Variants in MYO3B observed in about 807,000 individuals in gnomAD.
The protein encoded by MYO3B is myosin IIIB.
Under a neutral mutation model 174.6 loss-of-function variants are expected in MYO3B, and 156 were observed. The ratio of observed to expected loss-of-function variants is 0.89; its 90% confidence interval spans 0.78 to 1.02. The LOEUF is 1.02. Among genes scored for constraint, MYO3B ranks in the 50% least tolerant of loss-of-function variants. MYO3B has a pLI of 0.00. For synonymous variants in MYO3B, 563 were observed against 569.1 expected (o/e 0.99, Z 0.15); for missense variants, 1,632 against 1,639.4 (o/e 1.00, Z 0.08).
intron 3 of MYO3B, among the ~76,000 whole-genome samples, chr2:170,213,001 G>A (rs2092788737): frequency 6.6e-6 from 1 of 152,156 alleles, no homozygotes. Context: ...CCAGTAAACT[G>A]CAAGATGCAT....
At chr2:170,302,508 A>G (rs548438654) in intron 7 of MYO3B, among the ~76,000 whole-genome samples, 2 of 152,314 alleles carry the variant, frequency 1.3e-5, no homozygotes, top group South Asian at 2.1e-4. Context: ...TGAAGGAACT[A>G]ACTTGCTAAC....
chr2:170,238,002 G>T (rs1182332398), intron 7 of MYO3B, among the ~76,000 whole-genome samples: 1 of 152,116 alleles, frequency 6.6e-6, no homozygotes, highest in Non-Finnish European at 1.5e-5. Flanking sequence ...ATGATAAGAG[G>T]TTTTATTTTA....
chr2:170,194,766 A>T (rs1461566555), intron 1 of MYO3B, among the ~76,000 whole-genome samples: 1 of 152,144 alleles, frequency 6.6e-6, no homozygotes, highest in Non-Finnish European at 1.5e-5. Context: ...CAAGTTGAGG[A>T]GCAAGGAAGT....
intron 29 of MYO3B, among the ~76,000 whole-genome samples, chr2:170,518,249 C>A (rs1688447219): frequency 1.3e-5 from 2 of 152,148 alleles, no homozygotes; most frequent in Admixed American, 6.5e-5. Context: ...ATTTATTTTT[C>A]TACACTCCAT....
At chr2:170,285,116 C>T (rs2093544892) in intron 7 of MYO3B, among the ~76,000 whole-genome samples, 1 of 152,136 alleles carries the variant, frequency 6.6e-6, no homozygotes, top group Non-Finnish European at 1.5e-5. Context: ...TAGCTATGTT[C>T]TTACTGATGG....
intron 9 of MYO3B, 28 bp from the exon 10 acceptor site, chr2:170,381,988 T>C: frequency 6.3e-7 from 1 of 1,586,652 alleles, no homozygotes; most frequent in South Asian, 1.1e-5. Context: ...GCTGTCTTAA[T>C]GCTTAAACTC....
At chr2:170,597,177 C>T (rs933578952) in intron 32 of MYO3B, among the ~76,000 whole-genome samples, 2 of 152,020 alleles carry the variant, frequency 1.3e-5, no homozygotes, top group African/African-American at 4.8e-5. Flanking sequence ...TCGAGAGCAG[C>T]CTGGCCAACG....
chr2:170,619,818 C>A (rs1046814040), intron 32 of MYO3B, among the ~76,000 whole-genome samples: 5 of 126,682 alleles, frequency 3.9e-5, no homozygotes, highest in African/African-American at 1.5e-4. Context: ...GTGATCTCAG[C>A]TCACTGCAAC....
At chr2:170,412,157 T>C (rs1489718631) in intron 22 of MYO3B, 1 of 152,226 alleles carries the variant, frequency 6.6e-6, no homozygotes, top group Non-Finnish European at 1.5e-5. Flanking sequence ...TATAACATGG[T>C]TTCAAGGCAT....
chr2:170,451,636 T>C (rs1050348592), intron 23 of MYO3B, among the ~76,000 whole-genome samples: 1 of 152,216 alleles, frequency 6.6e-6, no homozygotes, highest in East Asian at 1.9e-4. Flanking sequence ...TTTAAGCCCT[T>C]ATTTTTACCC....
intron 25 of MYO3B, among the ~76,000 whole-genome samples, chr2:170,481,978 T>C (rs1276706331): frequency 6.6e-6 from 1 of 152,158 alleles, no homozygotes; most frequent in Admixed American, 6.5e-5. Context: ...CTTGGTGATA[T>C]GGTTTGGCTG....
chr2:170,524,332 C>T (rs572010552), intron 30 of MYO3B, among the ~76,000 whole-genome samples: 2 of 152,250 alleles, frequency 1.3e-5, no homozygotes, highest in African/African-American at 4.8e-5. Flanking sequence ...ACACCTGCCC[C>T]CCATCAGCTA....
intron 7 of MYO3B, among the ~76,000 whole-genome samples, chr2:170,325,260 T>A (rs1260978863): frequency 6.6e-6 from 1 of 152,060 alleles, no homozygotes; most frequent in Non-Finnish European, 1.5e-5. Flanking sequence ...CAGGCTGGAG[T>A]GCACTGGTAC....
chr2:170,383,986 G>A (rs2094355141), intron 12 of MYO3B, 172 bp downstream of exon 12: 4 of 552,948 alleles, frequency 7.2e-6, no homozygotes, highest in Middle Eastern at 2.9e-4. Flanking sequence ...TAAAGCCATA[G>A]CATCGGGAGA....
At chr2:170,386,841 A>C (rs961076809) in intron 13 of MYO3B, among the ~76,000 whole-genome samples, 1 of 152,238 alleles carries the variant, frequency 6.6e-6, no homozygotes, top group Non-Finnish European at 1.5e-5. Flanking sequence ...TAAACTGGTT[A>C]GGTGTTTTAT....
At chr2:170,577,751 A>G (rs1313634393) in intron 32 of MYO3B, among the ~76,000 whole-genome samples, 1 of 152,236 alleles carries the variant, frequency 6.6e-6, no homozygotes. Flanking sequence ...CTTGAAGCAG[A>G]GAAGCATTTC....
At chr2:170,345,264 A>C (rs1246682588) in intron 8 of MYO3B, 1 of 152,208 alleles carries the variant, frequency 6.6e-6, no homozygotes, top group East Asian at 1.9e-4. Context: ...CTAATGAAGA[A>C]AGGGGTATAT....
chr2:170,468,907 T>G (rs1209867083), intron 25 of MYO3B, among the ~76,000 whole-genome samples: 1 of 152,048 alleles, frequency 6.6e-6, no homozygotes, highest in Non-Finnish European at 1.5e-5. Context: ...ACACCTGTAA[T>G]CCTAGCACTT....
intron 23 of MYO3B, among the ~76,000 whole-genome samples, chr2:170,457,297 CT>C (rs886482060): frequency 1.3e-5 from 2 of 151,544 alleles, no homozygotes; most frequent in African/African-American, 4.8e-5. Context: ...TTTACTTTAA[CT>C]TTTTTTTATG....
Sources: gnomAD v4.1 joint callset for allele counts (sites outside exome capture counted in the v4.1 genomes callset) on GRCh38, gnomAD v4.1.1 for gene constraint, MANE v1.5 for transcripts, NCBI Gene and HGNC (gene_info 2026-07-23, HGNC 2026-07-21) for gene names.